SDCCAG8: variants seen among roughly 807,000 people sequenced by gnomAD.
SDCCAG8 encodes SHH signaling and ciliogenesis regulator SDCCAG8.
SDCCAG8 carries 74 observed loss-of-function variants against 101.8 expected under a neutral mutation model. The observed-to-expected ratio is 0.73, with a 90% CI of 0.60 to 0.88. The LOEUF is 0.88. Among genes scored for constraint, SDCCAG8 ranks in the 40% least tolerant of loss-of-function variants. The pLI is 0.00. For synonymous variants in SDCCAG8, 281 were observed against 292.9 expected, an observed-to-expected ratio of 0.96 and a Z score of 0.41; for missense variants, 787 against 822.6, an observed-to-expected ratio of 0.96 and a Z score of 0.53.
intron 16 of SDCCAG8, among the ~76,000 whole-genome samples, chr1:243,465,705 G>A (rs1315336535): frequency 1.3e-5 from 2 of 152,310 alleles, no homozygotes; most frequent in African/African-American, 4.8e-5. Context: ...TCTCTGAAAT[G>A]TAATAAACAG....
intron 6 of SDCCAG8, among the ~76,000 whole-genome samples, chr1:243,297,306 C>T (rs1025930718): frequency 6.6e-6 from 1 of 152,222 alleles, no homozygotes; most frequent in African/African-American, 2.4e-5. Flanking sequence ...GCTATATGAA[C>T]ATATGACTTT....
intron 7 of SDCCAG8, among the ~76,000 whole-genome samples, chr1:243,306,876 C>T (rs2072187159): frequency 6.6e-6 from 1 of 151,804 alleles, no homozygotes; most frequent in Admixed American, 6.6e-5. Flanking sequence ...GCTTGAAAGC[C>T]CCCAAAATCT....
intron 10 of SDCCAG8, among the ~76,000 whole-genome samples, chr1:243,334,318 C>T (rs915621656): frequency 5.3e-5 from 8 of 152,190 alleles, no homozygotes; most frequent in African/African-American, 1.2e-4. Flanking sequence ...ACTCCTTTCA[C>T]GTCTCCCTGC....
At chr1:243,475,268 G>A (rs1432017625) in intron 16 of SDCCAG8, among the ~76,000 whole-genome samples, 1 of 152,198 alleles carries the variant, frequency 6.6e-6, no homozygotes, top group Non-Finnish European at 1.5e-5. Flanking sequence ...AATACTGTCT[G>A]GATGGTTTAG....
Position 243,293,271 on chromosome 1 carries a change from T to A in SDCCAG8, c.675+52T>A, listed in dbSNP as rs755490466. 15 of 1,568,456 alleles carry A rather than the reference T, an allele frequency of 9.6e-6. No individual in the cohort carries two copies. In the Middle Eastern group the frequency reaches 5.0e-4, roughly 53 times the overall value. On this transcript the variant is annotated intron_variant, in intron 6 of 17. Transcript: ENST00000366541. Reference sequence around the variant, plus strand: ...TACATCTTTTTTTTCTTTTTCTCTTTTGTACTTTTTTAAAATTCTGGTAAA... The same window carrying A: ...TACATCTTTTTTTTCTTTTTCTCTTATGTACTTTTTTAAAATTCTGGTAAA...
chr1:243,428,135 A>G (rs2081465032), intron 16 of SDCCAG8, among the ~76,000 whole-genome samples: 1 of 152,254 alleles, frequency 6.6e-6, no homozygotes, highest in Non-Finnish European at 1.5e-5. Context: ...GCTCTCACAC[A>G]TAGTACCTTA....
intron 1 of SDCCAG8, among the ~76,000 whole-genome samples, chr1:243,267,081 A>G (rs1317286404): frequency 1.3e-5 from 2 of 151,974 alleles, no homozygotes; most frequent in Non-Finnish European, 2.9e-5. Flanking sequence ...TGTCTGTACT[A>G]AAAGTACAAA....
chr1:243,359,568 T>C (rs981650376), intron 12 of SDCCAG8, among the ~76,000 whole-genome samples: 14 of 152,204 alleles, frequency 9.2e-5, no homozygotes, highest in African/African-American at 3.4e-4. Flanking sequence ...GTTCTGTGTG[T>C]ACCTGGAGGG....
At chr1:243,414,845 A>ATG (rs35826806) in intron 13 of SDCCAG8, among the ~76,000 whole-genome samples, 21,646 of 148,590 alleles carry the variant, frequency 0.15, 1,665 homozygotes, top group Non-Finnish European at 0.18. Flanking sequence ...CCATTCTAAT[A>ATG]TGTGTGTGTG....
chr1:243,256,654 T>A (rs570061784), intron 1 of SDCCAG8, among the ~76,000 whole-genome samples: 72 of 152,334 alleles, frequency 4.7e-4, no homozygotes, highest in African/African-American at 1.5e-3. Flanking sequence ...GAAACACTAA[T>A]AATTATTTTA....
At chr1:243,313,209 G>A (rs969183811) in intron 8 of SDCCAG8, among the ~76,000 whole-genome samples, 2 of 152,182 alleles carry the variant, frequency 1.3e-5, no homozygotes, top group African/African-American at 4.8e-5. Context: ...AAGAAATGTT[G>A]TAGTCAGCCT....
At chr1:243,307,406 G>C (rs898645066) in intron 7 of SDCCAG8, 1 of 983,130 alleles carries the variant, frequency 1.0e-6, no homozygotes, top group African/African-American at 1.8e-5. Flanking sequence ...TTTTGAAACA[G>C]ATCTTTGTAG....
rs954072458 is a variant in SDCCAG8, at chr1:243,429,920, C to T, written c.1985+3362C>T. On this transcript the variant is annotated intron_variant, in intron 16 of 17. Coordinates refer to ENST00000366541, the MANE Select transcript of SDCCAG8 (RefSeq NM_006642.5). ...GTTTCCCCATGTTGGCCAGGCTGGT[C>T]TCAAACTCCTGACCTGAGGTGATCC... Among the ~76,000 whole-genome samples the T allele has an allele frequency of 3.3e-5, 5 of 152,136 alleles. No individual in the cohort carries two copies. The East Asian group carries it at 9.7e-4, about 30-fold the overall frequency.
At chr1:243,465,012 A>C (rs960018161) in intron 16 of SDCCAG8, among the ~76,000 whole-genome samples, 8 of 152,244 alleles carry the variant, frequency 5.3e-5, no homozygotes, top group African/African-American at 1.9e-4. Context: ...CAGTGTGATC[A>C]ATCATTTGAT....
chr1:243,328,977 G>A (rs113387354), intron 9 of SDCCAG8, among the ~76,000 whole-genome samples: 113 of 152,204 alleles, frequency 7.4e-4, no homozygotes, highest in African/African-American at 2.5e-3. Flanking sequence ...TTAAGTAAGC[G>A]TTTTGTCTAT....
At chr1:243,438,791 G>A (rs2082327909) in intron 16 of SDCCAG8, among the ~76,000 whole-genome samples, 1 of 152,194 alleles carries the variant, frequency 6.6e-6, no homozygotes, top group African/African-American at 2.4e-5. Flanking sequence ...ACTTTCTGCT[G>A]ATCATGGCCT....
At chr1:243,412,167 G>A (rs12129652) in intron 13 of SDCCAG8, among the ~76,000 whole-genome samples, 63,821 of 152,034 alleles carry the variant, frequency 0.42, 15,513 homozygotes, top group East Asian at 0.78. Flanking sequence ...TTTCACATAA[G>A]AGAGTTATGA....
At chr1:243,311,526 C>G (rs561273020) in intron 8 of SDCCAG8, among the ~76,000 whole-genome samples, 1 of 151,980 alleles carries the variant, frequency 6.6e-6, no homozygotes, top group Admixed American at 6.6e-5. Context: ...ACTAATTTTG[C>G]AAGGAGAATA....
chr1:243,324,769 T>G (rs1322110861), intron 9 of SDCCAG8, among the ~76,000 whole-genome samples: 2 of 152,210 alleles, frequency 1.3e-5, no homozygotes, highest in Non-Finnish European at 2.9e-5. Context: ...TCTCCCTGTT[T>G]AGGTAGCTCC....
Sources: allele counts gnomAD v4.1 joint callset (sites outside exome capture counted in the v4.1 genomes callset), GRCh38; gene constraint gnomAD v4.1.1; transcripts MANE v1.5; gene names NCBI Gene and HGNC (gene_info 2026-07-23, HGNC 2026-07-21).